GALNTL6: variants seen among roughly 807,000 people sequenced by gnomAD.
GALNTL6 encodes polypeptide N-acetylgalactosaminyltransferase like 6.
A neutral mutation model predicts 73.7 loss-of-function variants in GALNTL6; 46 were observed. That is an observed-to-expected ratio of 0.62 (90% CI 0.49 to 0.80). GALNTL6 has a LOEUF of 0.80. Ranked by LOEUF, GALNTL6 falls within the 30% of genes least tolerant of loss-of-function variation. The pLI is 0.00. For missense variants in GALNTL6, 604 were observed against 755.0 expected (o/e 0.80, Z 2.34); for synonymous variants, 259 against 263.7 (o/e 0.98, Z 0.17).
intron 2 of GALNTL6, among the ~76,000 whole-genome samples, chr4:171,906,340 C>G (rs1173376000): frequency 2.6e-5 from 4 of 151,360 alleles, no homozygotes; most frequent in Non-Finnish European, 4.4e-5. Context: ...GAAATACAAA[C>G]TACCATCAGA....
chr4:172,289,275 C>T (rs1739375573), intron 3 of GALNTL6, among the ~76,000 whole-genome samples: 1 of 152,166 alleles, frequency 6.6e-6, no homozygotes, highest in African/African-American at 2.4e-5. Context: ...CTCATTCTCT[C>T]ATTATGCAGT....
chr4:171,961,371 G>T (rs1252820719), intron 2 of GALNTL6, among the ~76,000 whole-genome samples: 7 of 152,076 alleles, frequency 4.6e-5, no homozygotes, highest in Admixed American at 4.6e-4. Context: ...GCCTCAAGAG[G>T]AGAAGAATTT....
chr4:172,234,094 T>G (rs72998397), intron 3 of GALNTL6, among the ~76,000 whole-genome samples: 3,122 of 152,160 alleles, frequency 0.021, 100 homozygotes, highest in African/African-American at 0.069. Flanking sequence ...AACACTGATA[T>G]GAATTTAGAA....
At chr4:172,882,644 CTATATCCACT>C in intron 7 of GALNTL6, 136 bp from the exon 8 acceptor site, 1 of 637,248 alleles carries the variant, frequency 1.6e-6, no homozygotes, top group Non-Finnish European at 2.9e-6. Context: ...AATGAGAACC[CTATATCCACT>C]TACAGAAAAC....
intron 5 of GALNTL6, among the ~76,000 whole-genome samples, chr4:172,354,893 T>C (rs1742097661): frequency 6.6e-6 from 1 of 152,112 alleles, no homozygotes; most frequent in African/African-American, 2.4e-5. Context: ...ATGTTTATGG[T>C]AGCTTTGTAT....
intron 3 of GALNTL6, among the ~76,000 whole-genome samples, chr4:172,248,045 A>G (rs974868148): frequency 1.4e-5 from 2 of 139,054 alleles, no homozygotes; most frequent in Admixed American, 7.4e-5. Context: ...ACAAAGAAAA[A>G]TGTAGTACTT....
At chr4:172,527,039 T>C (rs1035136053) in intron 5 of GALNTL6, among the ~76,000 whole-genome samples, 1 of 152,200 alleles carries the variant, frequency 6.6e-6, no homozygotes, top group Non-Finnish European at 1.5e-5. Context: ...TATAAGAATT[T>C]TGATGGATAT....
rs183950419 is a variant in GALNTL6 at position 172,236,251 on chromosome 4, A to G, written c.247+6487A>G. On this transcript the variant is annotated intron_variant, in intron 3 of 12. Transcript: ENST00000506823. ...AAGAAAATTCAGAAACTCCTTCCCA[A>G]TGAAATCTCACTAATCTTTATAAAA... Among the ~76,000 whole-genome samples, 298 of 152,268 alleles carry G rather than the reference A, an allele frequency of 2.0e-3. 2 individuals are homozygous for G. Among genetic ancestry groups the G allele is most frequent in the Non-Finnish European group, 3.4e-3 (230 of 68,014 alleles).
chr4:172,136,649 AGTTT>A (rs1368401117), intron 2 of GALNTL6, among the ~76,000 whole-genome samples: 1 of 151,742 alleles, frequency 6.6e-6, no homozygotes. Flanking sequence ...ATGTTAATTT[AGTTT>A]ATTTTATATA....
At position 172,646,407 on chromosome 4, in the gene GALNTL6, A is replaced by T. The variant is rs1044094836; in HGVS notation, c.554-162954A>T. On this transcript the variant is annotated intron_variant, in intron 5 of 12. Transcript: ENST00000506823. Reference sequence around the variant, plus strand: ...CAAAGTTTTATAGTTATGAATGTAGACAACTTCACAACTGTTGTAGATTTA... The same window carrying T: ...CAAAGTTTTATAGTTATGAATGTAGTCAACTTCACAACTGTTGTAGATTTA... 2.6e-5 allele frequency among the ~76,000 whole-genome samples: 4 copies of T among 152,022 alleles called. No homozygotes were observed. In the South Asian group the frequency reaches 8.3e-4, roughly 32 times the overall value.
At chr4:172,284,035 G>GA (rs1231339575) in intron 3 of GALNTL6, among the ~76,000 whole-genome samples, 1 of 151,884 alleles carries the variant, frequency 6.6e-6, no homozygotes, top group Non-Finnish European at 1.5e-5. Context: ...TCAATCTTTG[G>GA]AAAATATGAG....
At chr4:171,906,941 A>G (rs540338040) in intron 2 of GALNTL6, among the ~76,000 whole-genome samples, 9 of 152,224 alleles carry the variant, frequency 5.9e-5, no homozygotes, top group Non-Finnish European at 1.2e-4. Flanking sequence ...GCAAAATTCA[A>G]CAACCCTTCA....
At chr4:172,824,639 T>C (rs1476822814) in intron 7 of GALNTL6, among the ~76,000 whole-genome samples, 1 of 152,124 alleles carries the variant, frequency 6.6e-6, no homozygotes, top group Non-Finnish European at 1.5e-5. Context: ...AAAATCTGGC[T>C]TTGAGTCTAT....
At chr4:172,463,196 A>G (rs958410604) in intron 5 of GALNTL6, among the ~76,000 whole-genome samples, 1 of 152,158 alleles carries the variant, frequency 6.6e-6, no homozygotes, top group Non-Finnish European at 1.5e-5. Flanking sequence ...AAAAATAAAT[A>G]TAAAATATAT....
intron 5 of GALNTL6, among the ~76,000 whole-genome samples, chr4:172,415,515 A>C (rs1730791410): frequency 6.6e-6 from 1 of 152,160 alleles, no homozygotes; most frequent in Non-Finnish European, 1.5e-5. Context: ...ATAAGGCTCA[A>C]ATCTAACTAA....
chr4:172,353,019 G>A (rs1211805634), intron 5 of GALNTL6, among the ~76,000 whole-genome samples: 2 of 152,132 alleles, frequency 1.3e-5, no homozygotes, highest in African/African-American at 2.4e-5. Context: ...AGCAGCAGCA[G>A]CTTGAAGCTT....
At chr4:171,945,977 C>T (rs904951423) in intron 2 of GALNTL6, among the ~76,000 whole-genome samples, 20 of 152,126 alleles carry the variant, frequency 1.3e-4, no homozygotes, top group East Asian at 9.7e-4. Flanking sequence ...TGTTGACTTA[C>T]GCTTATAAAG....
At chr4:171,946,060 G>C (rs1279120379) in intron 2 of GALNTL6, among the ~76,000 whole-genome samples, 2 of 152,012 alleles carry the variant, frequency 1.3e-5, no homozygotes, top group Non-Finnish European at 2.9e-5. Flanking sequence ...AAGAGGTTAT[G>C]GTATATACAC....
At chr4:172,992,324 G>A (rs947623993) in intron 10 of GALNTL6, among the ~76,000 whole-genome samples, 1 of 152,192 alleles carries the variant, frequency 6.6e-6, no homozygotes, top group Non-Finnish European at 1.5e-5. Flanking sequence ...GAAGCGGTGT[G>A]TAACTTTAAA....
Sources: gnomAD v4.1 joint callset for allele counts (sites outside exome capture counted in the v4.1 genomes callset) on GRCh38, gnomAD v4.1.1 for gene constraint, MANE v1.5 for transcripts, NCBI Gene and HGNC (gene_info 2026-07-23, HGNC 2026-07-21) for gene names.